PKP3: variants seen among roughly 807,000 people sequenced by gnomAD.
The protein encoded by PKP3 is plakophilin 3, also known as plakophilin-3.
A neutral mutation model predicts 76.5 loss-of-function variants in PKP3; 66 were observed. The observed-to-expected ratio is 0.86, with a 90% CI of 0.71 to 1.06. The LOEUF (loss-of-function observed/expected upper bound fraction) is 1.06, where lower values mean the gene tolerates loss of function less well. Among genes scored for constraint, PKP3 ranks in the 50% least tolerant of loss-of-function variants. The pLI, the probability that PKP3 is intolerant of heterozygous loss-of-function variation, is 0.00. For synonymous variants in PKP3, 638 were observed against 516.5 expected, an observed-to-expected ratio of 1.24 and a Z score of -3.19; for missense variants, 1,338 against 1,141.0, an observed-to-expected ratio of 1.17 and a Z score of -2.49.
In PKP3 at chr11:404,602, C is replaced by A. The variant is rs372389622; in HGVS notation, c.*33C>A. ...CTTCTGGAGGAGAAGGTGACGTGGC[C>A]CAGCGTCCAAGGGACAGACTCAGCT... is the stretch of plus-strand genomic sequence containing the variant. On this transcript the variant is annotated 3_prime_UTR_variant, in exon 13 of 13. Coordinates refer to ENST00000331563, the MANE Select transcript of PKP3 (RefSeq NM_007183.4). This position sits in a 1 kb window ranked among gnomAD's most constrained non-coding sequence, Gnocchi z 4.2. 1.7e-5 allele frequency: 28 copies of A among 1,607,590 alleles called. No individual in the cohort carries two copies. The African/African-American group carries it at 3.5e-4, about 20-fold the overall frequency.
rs765938659 is a variant in PKP3, at chr11:397,603, G to A, written c.1009G>A (p.Val337Met). 12 of 1,611,966 alleles carry A rather than the reference G, an allele frequency of 7.4e-6. No homozygotes were observed. Among genetic ancestry groups the A allele is most frequent in the Non-Finnish European group, 1.0e-5 (12 of 1,179,526 alleles). The change falls in exon 4 of 13, where the codon GTG becomes ATG. Residue 337 changes from valine to methionine, a missense_variant. By Grantham distance (21) the Val-to-Met change is conservative (BLOSUM62 1). Transcript: ENST00000331563. The part of the protein sequence containing the change: ...YLMASDPNLQ[V>M]LGAAYIQHKC... ...CATGGCTTCAGACCCCAACCTGCAG[G>A]TGCTGGGAGCGGCCTACATCCAGCA...
At position 404,364 on chromosome 11, in the gene PKP3, A is replaced by G. The variant is rs755484018; in HGVS notation, c.2358+41A>G. The G allele has an allele frequency of 4.5e-6, 7 of 1,562,134 alleles. No individual in the cohort carries two copies. Among genetic ancestry groups the G allele is most frequent in the Admixed American group, 1.7e-5 (1 of 59,850 alleles). Reference sequence around the variant, plus strand: ...CCAGGGCAAGCAGGGACCCGGGTGCAGGGCATGGGACGCCGGGGGAGGGTC... The same window carrying G: ...CCAGGGCAAGCAGGGACCCGGGTGCGGGGCATGGGACGCCGGGGGAGGGTC... On this transcript the variant is annotated intron_variant, in intron 12 of 12. Transcript: ENST00000331563. The surrounding 1 kb of genome is among the most constrained non-coding windows in gnomAD (Gnocchi z 4.2).
At chr11:397,844 G>A in intron 4 of PKP3, 182 bp downstream of exon 4, 1 of 616,084 alleles carries the variant, frequency 1.6e-6, no homozygotes. Context: ...GGATACACCA[G>A]TATCACCTGC....
chr11:400,623 G>C lies in PKP3; in HGVS notation c.1655G>C (p.Gly552Ala). The C allele has an allele frequency of 7.0e-7, 1 of 1,421,252 alleles. No individual in the cohort carries two copies. Among genetic ancestry groups the C allele is most frequent in the Non-Finnish European group, 9.1e-7 (1 of 1,096,556 alleles). The allele number at this position is 1,421,252 out of a possible 1,614,324, so 88.0% of individuals were successfully genotyped here. A position where few individuals can be genotyped will look rare whatever the true frequency, so the allele number is the denominator to read the frequency against. The change falls in exon 8 of 13, where the codon GGT becomes GCT. Residue 552 changes from glycine to alanine, a missense_variant. Gly to Ala is a moderately conservative substitution (Grantham distance 60, BLOSUM62 0). Transcript: ENST00000331563. Reference protein sequence around the residue: ...MPPSALQRLEGRGRRDLAGAP... With the variant: ...MPPSALQRLEARGRRDLAGAP... ...CCGTCCGCGCTGCAGCGGCTGGAGG[G>C]TCGCGGCCGCAGGGACCTGGCGGGG...
chr11:396,776 G>A (rs558486797), intron 2 of PKP3, 38 bp from the exon 3 acceptor site: 4 of 1,565,394 alleles, frequency 2.6e-6, no homozygotes, highest in Admixed American at 1.8e-5. Context: ...ACACAGGTGA[G>A]CCCAGGCACG....
chr11:397,818 CAGA>C, intron 4 of PKP3, 156 bp downstream of exon 4: 1 of 689,568 alleles, frequency 1.5e-6, no homozygotes. Context: ...AGAGGAAGAG[CAGA>C]AGGATACAAT....
In PKP3 at chr11:397,426, C is replaced by T; in HGVS notation, c.925C>T (p.Leu309=). The part of the protein sequence containing the change: ...GFNSYGSHRT[L]QRLSSGFDDI... ...CAACAGCTACGGTAGCCACCGAACC[C>T]TGCAGAGACTCAGCAGCGGGTGAGC... Residue 309 remains leucine, a synonymous_variant, in exon 3 of 13, where the codon CTG becomes TTG. Coordinates refer to ENST00000331563, the MANE Select transcript of PKP3 (RefSeq NM_007183.4). 1 of 1,612,314 alleles carries T rather than the reference C, an allele frequency of 6.2e-7. No homozygotes were observed. The highest frequency in any genetic ancestry group is 8.5e-7 in the Non-Finnish European group (1 of 1,179,718).
At chr11:398,054 G>A (rs867952816) in intron 4 of PKP3, among the ~76,000 whole-genome samples, 4 of 52,082 alleles carry the variant, frequency 7.7e-5, no homozygotes, top group Admixed American at 2.6e-4. Flanking sequence ...GCACACACCT[G>A]CGTCACCTCC....
At position 397,173 on chromosome 11, in the gene PKP3, C is replaced by A; in HGVS notation, c.672C>A (p.Ser224Arg). The A allele has an allele frequency of 6.3e-7, 1 of 1,597,922 alleles. No individual in the cohort carries two copies. The highest frequency in any genetic ancestry group is 1.1e-5 in the South Asian group (1 of 90,980). The change falls in exon 3 of 13, where the codon AGC becomes AGA. Residue 224 changes from serine (S) to arginine (R), a missense_variant. Transcript: ENST00000331563. The part of the protein sequence containing the change: ...AYERQASSSS[S>R]RAGGLDWPEA... ...AGCGCCAGGCCAGCTCCAGCTCCAG[C>A]CGGGCAGGGGGGCTGGACTGGCCCG...
In PKP3 at chr11:397,301, T is replaced by TG; in HGVS notation, c.801dup (p.Pro268AlafsTer23). 2 of 1,591,596 alleles carry TG rather than the reference T, an allele frequency of 1.3e-6. No homozygotes were observed. The highest frequency in any genetic ancestry group is 1.7e-6 in the Non-Finnish European group (2 of 1,171,738). ...CGGAGCCGCGGGGTAGGCGGGGCAGTGCCGGGGGCCGTCCTGGAGCCAGTG... is the reference window on the plus strand; with the variant it reads ...CGGAGCCGCGGGGTAGGCGGGGCAGTGGCCGGGGGCCGTCCTGGAGCCAGTG... On this transcript the variant is annotated frameshift_variant, in exon 3 of 13. Transcript: ENST00000331563. LOFTEE classifies it high-confidence loss of function.
chr11:397,610 G>C lies in PKP3; in HGVS notation c.1016G>C (p.Gly339Ala). 1 of 1,612,062 alleles carries C rather than the reference G, an allele frequency of 6.2e-7. No individual in the cohort carries two copies. Among genetic ancestry groups the C allele is most frequent in the Non-Finnish European group, 8.5e-7 (1 of 1,179,522 alleles). ...MASDPNLQVL[G>A]AAYIQHKCYS... ...TCAGACCCCAACCTGCAGGTGCTGG[G>C]AGCGGCCTACATCCAGCACAAGTGC... Residue 339 changes from glycine to alanine, a missense_variant, in exon 4 of 13, where the codon GGA (glycine) becomes GCA (alanine). Transcript: ENST00000331563.
chr11:394,128 C>G (rs1367542447), upstream of PKP3: 3 of 1,144,544 alleles, frequency 2.6e-6, no homozygotes, highest in Non-Finnish European at 2.3e-6. Flanking sequence ...GGCCAGGTGT[C>G]CCCGCCCCCA....
chr11:392,925 C>T (rs1296894112), upstream of PKP3, among the ~76,000 whole-genome samples: 1 of 151,742 alleles, frequency 6.6e-6, no homozygotes, highest in East Asian at 2.0e-4. Context: ...GCCCCAGCCC[C>T]ATTAAGGCAA....
rs574310804 is a variant in PKP3, at chr11:403,608, C to T, written c.1924-10C>T. 4.4e-6 allele frequency: 7 copies of T among 1,602,190 alleles called. No individual in the cohort carries two copies. In the East Asian group the frequency reaches 8.9e-5, roughly 20 times the overall value. ...CTCCGGGTCACGGCTCACACCCTCC[C>T]TCCCCACAGTGGGCGGGGGTGCTGA... On this transcript the variant is annotated splice_polypyrimidine_tract_variant and intron_variant, in intron 9 of 12. Transcript: ENST00000331563.
At chr11:399,301 G>T in intron 5 of PKP3, 105 bp downstream of exon 5, 2 of 363,228 alleles carry the variant, frequency 5.5e-6, no homozygotes, top group East Asian at 5.1e-5. Context: ...CCCACCATCT[G>T]CCCCCCTTCT....
intron 6 of PKP3, 27 bp from the exon 7 acceptor site, chr11:400,307 G>T: frequency 6.6e-7 from 1 of 1,524,598 alleles, no homozygotes. Flanking sequence ...GGGTCCCTGG[G>T]GGGCTCTGAT....
At position 404,511 on chromosome 11, in the gene PKP3, C is replaced by T. The variant is rs1012918638; in HGVS notation, c.2359-23C>T. ...CCACATGGGCAGACATGCACCCTGACCTTGGGCCTCTCTCCACTGTAGAAG... is the reference window on the plus strand; with the variant it reads ...CCACATGGGCAGACATGCACCCTGATCTTGGGCCTCTCTCCACTGTAGAAG... On this transcript the variant is annotated intron_variant, in intron 12 of 12. Transcript: ENST00000331563. This position sits in a 1 kb window ranked among gnomAD's most constrained non-coding sequence, Gnocchi z 4.2. The T allele has an allele frequency of 6.2e-7, 1 of 1,611,900 alleles. No homozygotes were observed. Among genetic ancestry groups the T allele is most frequent in the African/African-American group, 1.3e-5 (1 of 74,904 alleles).
Position 400,117 on chromosome 11 carries a change from T to TCTA in PKP3, c.1426_1428dup (p.Tyr476dup). On this transcript the variant is annotated inframe_insertion, in exon 6 of 13. Coordinates refer to ENST00000331563, the MANE Select transcript of PKP3 (RefSeq NM_007183.4). The stretch of plus-strand genomic sequence containing the variant: ...CAGAACGCCTCGGAGGCAGAGATCT[T>TCTA]CTACAACGCCACCGGCTTCCTCAGG... The TCTA allele has an allele frequency of 6.4e-7, 1 of 1,570,380 alleles. No homozygotes were observed. The highest frequency in any genetic ancestry group is 8.6e-7 in the Non-Finnish European group (1 of 1,162,530).
At position 399,196 on chromosome 11, in the gene PKP3, G is replaced by A; in HGVS notation, c.1273G>A (p.Gly425Arg). ...QDDELRKNVT[G>R]ILWNLSSSDH... Reference sequence around the variant, plus strand: ...TGATGAGCTTCGCAAAAATGTCACAGGTGCTGCCTGTCCCCTCCTCCACCT... The same window carrying A: ...TGATGAGCTTCGCAAAAATGTCACAAGTGCTGCCTGTCCCCTCCTCCACCT... Residue 425 changes from glycine to arginine, a missense_variant and splice_region_variant, in exon 5 of 13, where the codon GGG becomes AGG. Physicochemically the swap from Gly to Arg is moderately radical, Grantham distance 125. Transcript: ENST00000331563. 6.4e-7 allele frequency: 1 copy of A among 1,571,036 alleles called. No homozygotes were observed.
Sources: gnomAD v4.1 joint callset for allele counts (sites outside exome capture counted in the v4.1 genomes callset) on GRCh38, gnomAD v4.1.1 for gene constraint, Gnocchi (gnomAD v3.1) non-coding constraint, MANE v1.5 for transcripts, NCBI Gene and HGNC (gene_info 2026-07-23, HGNC 2026-07-21) for gene names.